The following MLLT10 variants were observed in gnomAD, a reference collection of about 807,000 sequenced individuals.
MLLT10 encodes MLLT10 histone lysine methyltransferase DOT1L cofactor.
In MLLT10, 30 loss-of-function variants were observed where a neutral mutation model predicts 129.1. The ratio of observed to expected loss-of-function variants is 0.23; its 90% CI spans 0.17 to 0.32. The LOEUF is 0.32. Among genes scored for constraint, MLLT10 ranks in the 10% least tolerant of loss-of-function variants. MLLT10 has a pLI of 1.00. For synonymous variants in MLLT10, 490 were observed against 446.4 expected (o/e 1.10, Z -1.23); for missense variants, 1,119 against 1,268.3 (o/e 0.88, Z 1.79).
chr10:21,717,701 T>TCCTCCTCCTCC (rs2056778791), intron 14 of MLLT10, among the ~76,000 whole-genome samples: 2 of 23,392 alleles, frequency 8.5e-5, no homozygotes, highest in African/African-American at 2.1e-4. Context: ...CCTCCTCCTC[T>TCCTCCTCCTCC]TCCTCCTCCT....
At chr10:21,607,471 TCACCACGCTCA>T (rs2044178479) in intron 5 of MLLT10, among the ~76,000 whole-genome samples, 1 of 151,840 alleles carries the variant, frequency 6.6e-6, no homozygotes, top group Non-Finnish European at 1.5e-5. Flanking sequence ...CAGGCATGCG[TCACCACGCTCA>T]GCTAATTTTG....
At chr10:21,624,828 C>T (rs765937790) in intron 8 of MLLT10, 24 of 1,072,282 alleles carry the variant, frequency 2.2e-5, no homozygotes, top group Middle Eastern at 2.0e-4. Flanking sequence ...ACCACGGCCA[C>T]GGCCTCTCTG....
intron 14 of MLLT10, among the ~76,000 whole-genome samples, chr10:21,722,486 GT>G (rs1008309216): frequency 6.6e-6 from 1 of 151,890 alleles, no homozygotes; most frequent in African/African-American, 2.4e-5. Flanking sequence ...TCTTATTCCA[GT>G]TTTTTTTAAT....
intron 8 of MLLT10, among the ~76,000 whole-genome samples, chr10:21,643,748 G>A (rs771245023): frequency 6.6e-6 from 1 of 152,044 alleles, no homozygotes; most frequent in Non-Finnish European, 1.5e-5. Context: ...GTAAGTCTTG[G>A]TGCTACACAG....
At chr10:21,626,197 C>T in intron 8 of MLLT10, 2 of 1,603,760 alleles carry the variant, frequency 1.2e-6, no homozygotes, top group Non-Finnish European at 1.7e-6. Context: ...TTTCCTTGAA[C>T]TGCTGTAGTA....
At chr10:21,738,690 G>C (rs1333929746) in intron 21 of MLLT10, 1 of 431,126 alleles carries the variant, frequency 2.3e-6, no homozygotes, top group African/African-American at 2.2e-5. Context: ...ACGTCACCTG[G>C]CAACGGCATT....
chr10:21,558,460 A>G (rs1040076577), intron 3 of MLLT10, among the ~76,000 whole-genome samples: 1 of 152,090 alleles, frequency 6.6e-6, no homozygotes, highest in African/African-American at 2.4e-5. Context: ...ATCTCTAAGA[A>G]AAAAGAAAAA....
chr10:21,632,777 C>A (rs1223248525), intron 8 of MLLT10, among the ~76,000 whole-genome samples: 1 of 152,110 alleles, frequency 6.6e-6, no homozygotes, highest in Non-Finnish European at 1.5e-5. Flanking sequence ...GTAGATAGAT[C>A]TGACTTATCT....
intron 4 of MLLT10, among the ~76,000 whole-genome samples, chr10:21,592,464 GT>G (rs1268508885): frequency 7.2e-6 from 1 of 138,116 alleles, no homozygotes. Flanking sequence ...GTTTGTTTTT[GT>G]TTTTTTTTGA....
intron 3 of MLLT10, chr10:21,564,719 G>A (rs1295573231): frequency 6.6e-6 from 1 of 151,914 alleles, no homozygotes; most frequent in Non-Finnish European, 1.5e-5. Context: ...AACTACTTGG[G>A]AGGCTGAGGC....
chr10:21,738,611 T>C (rs2058577145), intron 21 of MLLT10: 3 of 1,184,554 alleles, frequency 2.5e-6, no homozygotes, highest in South Asian at 3.1e-5. Context: ...CACTCTTGCT[T>C]GACTCTGCTT....
chr10:21,733,683 AGT>A, intron 19 of MLLT10, 83 bp from the exon 20 acceptor site: 2 of 1,499,028 alleles, frequency 1.3e-6, no homozygotes, highest in Non-Finnish European at 1.8e-6. Flanking sequence ...ACAGTTTTGC[AGT>A]GTTCTTTAAA....
intron 21 of MLLT10, among the ~76,000 whole-genome samples, chr10:21,737,708 G>A (rs2058489111): frequency 6.6e-6 from 1 of 152,120 alleles, no homozygotes; most frequent in South Asian, 2.1e-4. Flanking sequence ...TGGGATTGTG[G>A]CTCAGGTGCA....
chr10:21,557,251 G>A (rs1476882724), intron 3 of MLLT10: 1 of 964,998 alleles, frequency 1.0e-6, no homozygotes, highest in African/African-American at 1.7e-5. Context: ...GTTATTATAA[G>A]TAATAGTTTA....
rs373164948 is a variant in MLLT10 at position 21,602,323 on chromosome 10, A to AG, written c.405+6884dup. 1.5e-3 allele frequency among the ~76,000 whole-genome samples: 224 copies of AG among 152,054 alleles called. 9 individuals carry two copies. In the East Asian group the frequency reaches 0.029, roughly 20 times the overall value. ...GTTTGCCTCTTTCTCCCCTACCCCC[A>AG]GCTGGCTCCCCCGTTATAGGTCAAA... On this transcript the variant is annotated intron_variant, in intron 5 of 22. Coordinates refer to ENST00000307729, the MANE Select transcript of MLLT10 (RefSeq NM_001195626.3).
Position 21,701,284 on chromosome 10 carries a change from A to ATT in MLLT10, c.1700-12472_1700-12471dup, listed in dbSNP as rs57132583. ...GAAGAACCAATTTTTCATTTCATTG[A>ATT]TTTTTTTTTTTTTTTTTGAGAGGGA... On this transcript the variant is annotated intron_variant, in intron 13 of 22. Transcript: ENST00000307729. Among the ~76,000 whole-genome samples, 322 of 123,944 alleles carry ATT rather than the reference A, an allele frequency of 2.6e-3. 5 individuals are homozygous for ATT. The highest frequency in any genetic ancestry group is 0.014 in the East Asian group (58 of 4,222). The allele number at this position is 123,944 out of a possible 152,430, so 81.3% of individuals were successfully genotyped here. A position where few individuals can be genotyped will look rare whatever the true frequency, so the allele number is the denominator to read the frequency against.
At chr10:21,693,594 A>T (rs77150124) in intron 13 of MLLT10, among the ~76,000 whole-genome samples, 2 of 152,130 alleles carry the variant, frequency 1.3e-5, no homozygotes, top group Non-Finnish European at 2.9e-5. Context: ...TGATATGTCT[A>T]TGTATGACTT....
intron 5 of MLLT10, among the ~76,000 whole-genome samples, chr10:21,597,647 C>T (rs2043143275): frequency 1.3e-5 from 2 of 152,230 alleles, no homozygotes; most frequent in African/African-American, 4.8e-5. Context: ...GTTGGGATTA[C>T]AGGCGTGAGC....
At chr10:21,563,890 G>A (rs1390729845) in intron 3 of MLLT10, among the ~76,000 whole-genome samples, 1 of 151,650 alleles carries the variant, frequency 6.6e-6, no homozygotes, top group East Asian at 1.9e-4. Context: ...TAGGCTCACT[G>A]CGGGCTCCAC....
Sources: allele counts gnomAD v4.1 joint callset (sites outside exome capture counted in the v4.1 genomes callset), GRCh38; gene constraint gnomAD v4.1.1; transcripts MANE v1.5; gene names NCBI Gene and HGNC (gene_info 2026-07-23, HGNC 2026-07-21).